The following FOCAD variants were observed in gnomAD, a reference collection of about 807,000 sequenced individuals.
FOCAD encodes the protein focadhesin.
FOCAD carries 198 observed loss-of-function variants against 225.6 expected under a neutral mutation model. The ratio of observed to expected loss-of-function variants is 0.88; its 90% CI spans 0.78 to 0.99. The LOEUF (loss-of-function observed/expected upper bound fraction) is 0.99, where lower values mean the gene tolerates loss of function less well. Among genes scored for constraint, FOCAD ranks in the 50% least tolerant of loss-of-function variants. The probability of loss-of-function intolerance (pLI) is 0.00; values close to 1 mark genes in which losing one functional copy is unlikely to be tolerated. For synonymous variants in FOCAD, 897 were observed against 755.0 expected (o/e 1.19, Z -3.08); for missense variants, 2,713 against 2,123.6 (o/e 1.28, Z -5.46).
chr9:20,927,258 A>G (rs934939433), intron 26 of FOCAD, among the ~76,000 whole-genome samples: 2 of 151,886 alleles, frequency 1.3e-5, no homozygotes, highest in Non-Finnish European at 2.9e-5. Context: ...AATTCACTCA[A>G]CCTCTTTGAG....
chr9:20,819,685 C>T (rs1824107233), intron 11 of FOCAD, 111 bp from the exon 12 acceptor site: 2 of 503,158 alleles, frequency 4.0e-6, no homozygotes, highest in East Asian at 6.9e-5. Flanking sequence ...CTAAGTCTTC[C>T]AATTCATTCA....
intron 15 of FOCAD, among the ~76,000 whole-genome samples, chr9:20,840,321 T>C (rs1826391812): frequency 6.6e-6 from 1 of 151,976 alleles, no homozygotes; most frequent in Non-Finnish European, 1.5e-5. Context: ...TATTTTTGTG[T>C]GTGTCCTCTT....
intron 33 of FOCAD, among the ~76,000 whole-genome samples, chr9:20,950,724 C>G (rs1037864156): frequency 2.0e-5 from 3 of 152,142 alleles, no homozygotes; most frequent in East Asian, 3.8e-4. Context: ...TGAGACCAGT[C>G]TCACTCAGTG....
chr9:20,774,814 C>A (rs986737264), intron 8 of FOCAD, among the ~76,000 whole-genome samples: 2 of 152,148 alleles, frequency 1.3e-5, no homozygotes, highest in African/African-American at 4.8e-5. Flanking sequence ...TTATGTCTCT[C>A]ATTTGCCCAA....
intron 18 of FOCAD, chr9:20,872,687 C>CTATATA (rs1829896687): frequency 6.6e-6 from 1 of 151,670 alleles, no homozygotes; most frequent in African/African-American, 2.4e-5. Context: ...TACAACTTAC[C>CTATATA]CTTTAAAGTA....
chr9:20,854,901 T>G (rs1267911152), intron 15 of FOCAD, among the ~76,000 whole-genome samples: 1 of 151,838 alleles, frequency 6.6e-6, no homozygotes, highest in East Asian at 1.9e-4. Flanking sequence ...TAGCACTTTT[T>G]AAATTCCTAA....
At chr9:20,856,682 A>G (rs1387362279) in intron 15 of FOCAD, among the ~76,000 whole-genome samples, 2 of 151,774 alleles carry the variant, frequency 1.3e-5, no homozygotes, top group Non-Finnish European at 2.9e-5. Flanking sequence ...ATGTCCTAGA[A>G]TGTTTCCCCA....
chr9:20,951,758 T>C (rs977558641), intron 34 of FOCAD, among the ~76,000 whole-genome samples: 1 of 152,210 alleles, frequency 6.6e-6, no homozygotes, highest in African/African-American at 2.4e-5. Flanking sequence ...TGTGCATTTG[T>C]ACTTGGAGAT....
chr9:20,753,989 T>A (rs1046861188), intron 5 of FOCAD, among the ~76,000 whole-genome samples: 3 of 152,170 alleles, frequency 2.0e-5, no homozygotes, highest in Non-Finnish European at 2.9e-5. Context: ...AATTAGAAAT[T>A]TGAGGCATGA....
chr9:20,919,542 T>G (rs910370407), intron 24 of FOCAD, among the ~76,000 whole-genome samples: 2 of 152,130 alleles, frequency 1.3e-5, no homozygotes, highest in African/African-American at 2.4e-5. Flanking sequence ...GGAGGCATCA[T>G]GCTACCTGAC....
intron 1 of FOCAD, among the ~76,000 whole-genome samples, chr9:20,690,021 AT>A (rs1822882849): frequency 1.3e-5 from 2 of 152,192 alleles, no homozygotes; most frequent in Admixed American, 1.3e-4. Flanking sequence ...ATGTGTGCCA[AT>A]TCTTATCTAT....
intron 11 of FOCAD, among the ~76,000 whole-genome samples, chr9:20,799,887 A>G (rs930462592): frequency 3.3e-5 from 5 of 152,086 alleles, no homozygotes; most frequent in South Asian, 2.1e-4. Flanking sequence ...TGATCCTGTC[A>G]TTATGATGTT....
At chr9:20,683,396 T>A (rs922390813), upstream of FOCAD, 4 of 152,146 alleles carry the variant, frequency 2.6e-5, no homozygotes, top group African/African-American at 4.8e-5. Context: ...AACTCTTTCA[T>A]CTTGCGTAAA....
intron 11 of FOCAD, among the ~76,000 whole-genome samples, chr9:20,791,063 G>C (rs17753224): frequency 1.3e-5 from 2 of 152,066 alleles, no homozygotes; most frequent in Non-Finnish European, 2.9e-5. Context: ...TTTTCTTTCA[G>C]TGTTGACACT....
intron 24 of FOCAD, among the ~76,000 whole-genome samples, chr9:20,919,138 G>A (rs2132106331): frequency 6.6e-6 from 1 of 152,238 alleles, no homozygotes; most frequent in African/African-American, 2.4e-5. Context: ...AAATCAATGT[G>A]CAAAAATCGC....
chr9:20,976,689 G>C, intron 36 of FOCAD, 141 bp downstream of exon 36: 1 of 926,326 alleles, frequency 1.1e-6, no homozygotes, highest in Non-Finnish European at 1.7e-6. Context: ...TGGAATGGCT[G>C]GGTTACTTTC....
chr9:20,991,333 A>G (rs1271675339), intron 42 of FOCAD, among the ~76,000 whole-genome samples: 1 of 152,206 alleles, frequency 6.6e-6, no homozygotes, highest in Admixed American at 6.5e-5. Flanking sequence ...AAAGCTTCAA[A>G]CTAACTTTTT....
intron 36 of FOCAD, among the ~76,000 whole-genome samples, chr9:20,977,549 G>C (rs1049932506): frequency 2.6e-5 from 4 of 152,204 alleles, no homozygotes; most frequent in Non-Finnish European, 5.9e-5. Flanking sequence ...GGGAGATGAA[G>C]AGCAATTTAA....
intron 2 of FOCAD, among the ~76,000 whole-genome samples, chr9:20,665,143 CT>C (rs1290473939): frequency 3.9e-5 from 6 of 152,116 alleles, no homozygotes; most frequent in Non-Finnish European, 1.5e-5. Flanking sequence ...GCTAGAGTTA[CT>C]GGCTTAGAGA....
Sources: allele counts gnomAD v4.1 joint callset (sites outside exome capture counted in the v4.1 genomes callset), GRCh38; gene constraint gnomAD v4.1.1; transcripts MANE v1.5; gene names NCBI Gene and HGNC (gene_info 2026-07-23, HGNC 2026-07-21).